MYO10: variants seen among roughly 807,000 people sequenced by gnomAD.
The protein encoded by MYO10 is myosin X.
A neutral mutation model predicts 257.3 loss-of-function variants in MYO10; 133 were observed. The observed-to-expected ratio is 0.52, with a 90% CI of 0.45 to 0.60. MYO10 has a LOEUF of 0.60. Among genes scored for constraint, MYO10 ranks in the 20% least tolerant of loss-of-function variants. MYO10 has a pLI of 0.00. For missense variants in MYO10, 2,399 were observed against 2,635.7 expected (o/e 0.91, Z 1.97); for synonymous variants, 1,104 against 1,028.6 (o/e 1.07, Z -1.40).
In MYO10 at chr5:16,780,548, C is replaced by A. The variant is rs1306181523; in HGVS notation, c.802G>T (p.Ala268Ser). The A allele has an allele frequency of 1.3e-6, 2 of 1,583,866 alleles. No individual in the cohort carries two copies. The highest frequency in any genetic ancestry group is 8.6e-7 in the Non-Finnish European group (1 of 1,163,298). Residue 268 changes from alanine (A) to serine (S), a missense_variant, in exon 8 of 41, where the codon GCA (alanine) becomes TCA (serine). Transcript: ENST00000513610. ...CCTCTTTCTTCATGTTCCAGCCCTG[C>A]CAGCAGTGCATAAAATATGTGATAA... ...RNYHIFYALL[A>S]GLEHEEREEF...
At chr5:16,696,978 T>C (rs1188354447) in intron 26 of MYO10, among the ~76,000 whole-genome samples, 4 of 152,206 alleles carry the variant, frequency 2.6e-5, no homozygotes, top group Non-Finnish European at 5.9e-5. Flanking sequence ...ACAGTTAAGA[T>C]GATTTCTAAC....
intron 28 of MYO10, among the ~76,000 whole-genome samples, chr5:16,688,259 T>C (rs926468321): frequency 1.3e-5 from 2 of 152,206 alleles, no homozygotes; most frequent in Admixed American, 1.3e-4. Context: ...GGTGTTTTAG[T>C]TTGTTCCCAT....
intron 1 of MYO10, among the ~76,000 whole-genome samples, chr5:16,893,077 G>C (rs1745109217): frequency 6.6e-6 from 1 of 151,090 alleles, no homozygotes; most frequent in Non-Finnish European, 1.5e-5. Flanking sequence ...GGCGCCTGTA[G>C]TCCCAGCTAC....
At chr5:16,844,309 A>G (rs1743567259) in intron 2 of MYO10, among the ~76,000 whole-genome samples, 1 of 152,220 alleles carries the variant, frequency 6.6e-6, no homozygotes, top group African/African-American at 2.4e-5. Context: ...AGGAGAAACA[A>G]ATATTTCACT....
chr5:16,687,018 A>T (rs1387116151), intron 28 of MYO10, among the ~76,000 whole-genome samples: 2 of 152,090 alleles, frequency 1.3e-5, no homozygotes, highest in South Asian at 4.1e-4. Flanking sequence ...CCTCATCACA[A>T]TCAGAAAATA....
At chr5:16,812,577 T>C (rs1034972040) in intron 3 of MYO10, among the ~76,000 whole-genome samples, 2 of 152,178 alleles carry the variant, frequency 1.3e-5, no homozygotes. Flanking sequence ...GCCTTGGTGT[T>C]ATCTCCCCAC....
In MYO10 at chr5:16,806,643, G is replaced by A. The variant is rs1301697831; in HGVS notation, c.279+11366C>T. On this transcript the variant is annotated intron_variant, in intron 3 of 40. Transcript: ENST00000513610. ...AACCTGGGCGACAGAGCAAGACTCC[G>A]TCTCAAAAAAAAAAAAAATCAAGTA... 4.4e-5 allele frequency among the ~76,000 whole-genome samples: 4 copies of A among 89,912 alleles called. No homozygotes were observed. The East Asian group carries it at 1.2e-3, about 26-fold the overall frequency. The allele number at this position is 89,912 out of a possible 152,430, so 59.0% of individuals were successfully genotyped here. A position where few individuals can be genotyped will look rare whatever the true frequency, so the allele number is the denominator to read the frequency against.
Position 16,852,133 on chromosome 5 carries a change from G to GGGA in MYO10, c.120+25473_120+25475dup, listed in dbSNP as rs1743826428. Among the ~76,000 whole-genome samples, 9 of 150,340 alleles carry GGGA rather than the reference G, an allele frequency of 6.0e-5. No individual in the cohort carries two copies. In the South Asian group the frequency reaches 1.9e-3, roughly 32 times the overall value. On this transcript the variant is annotated intron_variant, in intron 2 of 40. Coordinates refer to ENST00000513610, the MANE Select transcript of MYO10 (RefSeq NM_012334.3). ...AGGAAGGAAGGAAGGGAGGGAAGGA[G>GGGA]GGAGGGAGGGTGGTTGGTTGGTTAA...
intron 3 of MYO10, among the ~76,000 whole-genome samples, chr5:16,813,927 C>T (rs968493351): frequency 1.1e-4 from 16 of 152,160 alleles, no homozygotes; most frequent in Non-Finnish European, 1.3e-4. Context: ...GGAATGTGAG[C>T]GGCCTCTAGA....
chr5:16,695,354 C>G (rs543552426), intron 26 of MYO10, among the ~76,000 whole-genome samples: 1 of 152,106 alleles, frequency 6.6e-6, no homozygotes, highest in South Asian at 2.1e-4. Flanking sequence ...CAAAGTTTAC[C>G]CATTTCCTTC....
chr5:16,797,649 G>A (rs927356502), intron 3 of MYO10, among the ~76,000 whole-genome samples: 7 of 152,198 alleles, frequency 4.6e-5, no homozygotes, highest in Non-Finnish European at 8.8e-5. Context: ...AAGGAATAAA[G>A]TGCTGATCCA....
chr5:16,838,641 C>T (rs1035801828), intron 2 of MYO10, among the ~76,000 whole-genome samples: 2 of 152,168 alleles, frequency 1.3e-5, no homozygotes, highest in Non-Finnish European at 2.9e-5. Context: ...AAGGTGGCTA[C>T]ACTAAAAAGG....
chr5:16,779,215 T>C (rs1229290945), intron 9 of MYO10, among the ~76,000 whole-genome samples: 2 of 152,188 alleles, frequency 1.3e-5, no homozygotes, highest in Non-Finnish European at 1.5e-5. Context: ...GATCTGCTGG[T>C]TCCAGAGTGA....
chr5:16,674,460 ACT>A (rs1281768046), intron 35 of MYO10, among the ~76,000 whole-genome samples: 1 of 151,936 alleles, frequency 6.6e-6, no homozygotes, highest in African/African-American at 2.4e-5. Context: ...CAAGAGCAAA[ACT>A]CTGTCTCAAA....
chr5:16,821,725 CA>C (rs1345323341), intron 2 of MYO10, among the ~76,000 whole-genome samples: 1 of 151,866 alleles, frequency 6.6e-6, no homozygotes, highest in Non-Finnish European at 1.5e-5. Context: ...CTCGGCCTCC[CA>C]AAGTGCTGGG....
chr5:16,843,727 C>A (rs952150402), intron 2 of MYO10, among the ~76,000 whole-genome samples: 2 of 152,008 alleles, frequency 1.3e-5, no homozygotes, highest in Admixed American at 6.6e-5. Flanking sequence ...TAGTAGAGCA[C>A]ATCAAATATA....
chr5:16,668,587 T>C (rs1736288966), intron 39 of MYO10, 119 bp from the exon 40 acceptor site: 3 of 713,040 alleles, frequency 4.2e-6, no homozygotes, highest in South Asian at 5.6e-5. Context: ...ATATATTCGA[T>C]GTGCATGCAT....
chr5:16,672,708 C>CA lies in MYO10; in HGVS notation c.5289dup (p.Val1764CysfsTer6). On this transcript the variant is annotated frameshift_variant, in exon 37 of 41. Transcript: ENST00000513610. LOFTEE classifies it high-confidence loss of function. ...ACCTACTTTTCAAACTTGGCTAAGA[C>CA]ATCAGCTACGACGGTTCGACTTTCA... The CA allele has an allele frequency of 6.2e-7, 1 of 1,614,030 alleles. No homozygotes were observed. The highest frequency in any genetic ancestry group is 8.5e-7 in the Non-Finnish European group (1 of 1,179,892).
chr5:16,795,475 C>T (rs1342385924), intron 3 of MYO10, among the ~76,000 whole-genome samples: 2 of 151,980 alleles, frequency 1.3e-5, no homozygotes, highest in Non-Finnish European at 2.9e-5. Context: ...ATGGTGATGC[C>T]TGCCTGTAAT....
Sources: gnomAD v4.1 joint callset for allele counts (sites outside exome capture counted in the v4.1 genomes callset) on GRCh38, gnomAD v4.1.1 for gene constraint, MANE v1.5 for transcripts, NCBI Gene and HGNC (gene_info 2026-07-23, HGNC 2026-07-21) for gene names.